ADARB2: variants seen among roughly 807,000 people sequenced by gnomAD.
ADARB2 encodes the protein inactive double-stranded RNA-specific editase B2.
In ADARB2, 25 loss-of-function variants were observed where a neutral mutation model predicts 62.2. The ratio of observed to expected loss-of-function variants is 0.40; its 90% CI spans 0.29 to 0.56. ADARB2 has a LOEUF of 0.56. ADARB2 is among the 20% of genes least tolerant of loss of function. The probability of loss-of-function intolerance (pLI) is 0.43; values close to 1 mark genes in which losing one functional copy is unlikely to be tolerated. For synonymous variants in ADARB2, 572 were observed against 500.8 expected (o/e 1.14, Z -1.90); for missense variants, 1,071 against 1,077.4 (o/e 0.99, Z 0.08).
At chr10:1,355,821 C>T (rs1832189482) in intron 3 of ADARB2, among the ~76,000 whole-genome samples, 1 of 152,112 alleles carries the variant, frequency 6.6e-6, no homozygotes, top group Non-Finnish European at 1.5e-5. Context: ...ATTGTGATTG[C>T]ATGTACATTG....
chr10:1,497,472 G>C (rs1292434529), intron 1 of ADARB2, among the ~76,000 whole-genome samples: 1 of 152,150 alleles, frequency 6.6e-6, no homozygotes, highest in Non-Finnish European at 1.5e-5. Flanking sequence ...TAGAGAAAGA[G>C]CTTTTTGAAA....
intron 7 of ADARB2, chr10:1,216,588 G>GGGA (rs1830623880): frequency 3.7e-6 from 1 of 268,492 alleles, no homozygotes; most frequent in Non-Finnish European, 7.2e-6. Flanking sequence ...CCAGTGGGGA[G>GGGA]GGAGGCCCTG....
At chr10:1,272,935 T>G (rs1445195956) in intron 3 of ADARB2, among the ~76,000 whole-genome samples, 1 of 152,228 alleles carries the variant, frequency 6.6e-6, no homozygotes, top group African/African-American at 2.4e-5. Flanking sequence ...CTGGGGAGCC[T>G]TCCTGCCTCT....
chr10:1,356,675 G>T (rs938198010), intron 3 of ADARB2, among the ~76,000 whole-genome samples: 1 of 152,106 alleles, frequency 6.6e-6, no homozygotes, highest in Non-Finnish European at 1.5e-5. Flanking sequence ...CCATCTTAAA[G>T]CCCATTCTTT....
chr10:1,698,754 A>T (rs1394650966), intron 1 of ADARB2, among the ~76,000 whole-genome samples: 1 of 152,190 alleles, frequency 6.6e-6, no homozygotes, highest in African/African-American at 2.4e-5. Context: ...AATGACTTTT[A>T]AAAAATTTAT....
At chr10:1,233,597 G>T (rs776466577) in intron 6 of ADARB2, 97 bp downstream of exon 6, 4 of 1,323,644 alleles carry the variant, frequency 3.0e-6, no homozygotes, top group Non-Finnish European at 4.0e-6. Context: ...CCCACACACC[G>T]CGCCCCTGCC....
At chr10:1,265,227 C>T (rs953973562) in intron 4 of ADARB2, among the ~76,000 whole-genome samples, 5 of 152,162 alleles carry the variant, frequency 3.3e-5, no homozygotes, top group African/African-American at 9.7e-5. Flanking sequence ...CCCCACTTAT[C>T]GGGGTTATGT....
chr10:1,479,816 CATTT>C (rs1481825694), intron 1 of ADARB2, among the ~76,000 whole-genome samples: 1 of 152,182 alleles, frequency 6.6e-6, no homozygotes, highest in Non-Finnish European at 1.5e-5. Context: ...ACACTTCATT[CATTT>C]GTCAAGAGAA....
chr10:1,385,277 G>A (rs1026564702), intron 1 of ADARB2, among the ~76,000 whole-genome samples: 4 of 152,070 alleles, frequency 2.6e-5, no homozygotes, highest in African/African-American at 9.7e-5. Flanking sequence ...AGCAGCAGGA[G>A]AATATGACCA....
At chr10:1,500,240 G>A (rs746161443) in intron 1 of ADARB2, among the ~76,000 whole-genome samples, 6 of 152,140 alleles carry the variant, frequency 3.9e-5, no homozygotes, top group Admixed American at 1.3e-4. Context: ...GGCACTTACC[G>A]TCTCACCCCA....
chr10:1,710,724 C>T (rs1466223242), intron 1 of ADARB2, among the ~76,000 whole-genome samples: 1 of 152,242 alleles, frequency 6.6e-6, no homozygotes, highest in African/African-American at 2.4e-5. Flanking sequence ...TGAGCTCCCG[C>T]AGACTCTCAG....
intron 3 of ADARB2, among the ~76,000 whole-genome samples, chr10:1,310,259 C>T (rs1831676398): frequency 6.6e-6 from 1 of 152,220 alleles, no homozygotes; most frequent in African/African-American, 2.4e-5. Flanking sequence ...CCATGCCTGG[C>T]ACTGAGAGAC....
At chr10:1,400,913 G>C (rs1031871765) in intron 1 of ADARB2, among the ~76,000 whole-genome samples, 3 of 152,150 alleles carry the variant, frequency 2.0e-5, no homozygotes, top group Non-Finnish European at 4.4e-5. Context: ...CCTCAGCGAC[G>C]GCTGAGTCAG....
chr10:1,708,165 T>C (rs992153251), intron 1 of ADARB2, among the ~76,000 whole-genome samples: 2 of 152,174 alleles, frequency 1.3e-5, no homozygotes, highest in African/African-American at 2.4e-5. Context: ...AGTTTCTCCA[T>C]AGCAGAGATT....
At chr10:1,598,769 GGGAGA>G (rs1277245405) in intron 1 of ADARB2, among the ~76,000 whole-genome samples, 2 of 152,258 alleles carry the variant, frequency 1.3e-5, no homozygotes, top group East Asian at 3.8e-4. Context: ...AAGCAAGCCA[GGGAGA>G]GCCCTGGCCC....
chr10:1,538,720 AC>A (rs1832366532), intron 1 of ADARB2, among the ~76,000 whole-genome samples: 1 of 152,228 alleles, frequency 6.6e-6, no homozygotes, highest in Admixed American at 6.5e-5. Context: ...CTTTAGTGCC[AC>A]TAGAGGACGT....
chr10:1,324,506 T>C (rs2651489), intron 3 of ADARB2, among the ~76,000 whole-genome samples: 59,240 of 152,104 alleles, frequency 0.39, 12,276 homozygotes, highest in African/African-American at 0.53. Context: ...CACAGGTTAA[T>C]GCTTAGACGA....
At chr10:1,736,737 G>A (rs1260739063) in intron 1 of ADARB2, among the ~76,000 whole-genome samples, 1 of 152,200 alleles carries the variant, frequency 6.6e-6, no homozygotes, top group Non-Finnish European at 1.5e-5. Flanking sequence ...TGCCAGCCCG[G>A]CCGGCCACTG....
At chr10:1,270,295 A>G (rs1434387948) in intron 4 of ADARB2, among the ~76,000 whole-genome samples, 3 of 152,242 alleles carry the variant, frequency 2.0e-5, no homozygotes, top group Non-Finnish European at 4.4e-5. Flanking sequence ...ACTTAATCCA[A>G]AGGTCAGTTA....
Sources: gnomAD v4.1 joint callset for allele counts (sites outside exome capture counted in the v4.1 genomes callset) on GRCh38, gnomAD v4.1.1 for gene constraint, MANE v1.5 for transcripts, NCBI Gene and HGNC (gene_info 2026-07-23, HGNC 2026-07-21) for gene names.